Variants in GYS2 observed in about 807,000 individuals in gnomAD.
GYS2 encodes glycogen [starch] synthase, liver.
A neutral mutation model predicts 85.6 loss-of-function variants in GYS2; 80 were observed. The observed-to-expected ratio is 0.93, with a 90% CI of 0.78 to 1.13. The LOEUF is 1.13. GYS2 is among the 50% of genes most tolerant of loss of function. The probability of loss-of-function intolerance (pLI) is 0.00; values close to 1 mark genes in which losing one functional copy is unlikely to be tolerated. For synonymous variants in GYS2, 328 were observed against 300.7 expected, an observed-to-expected ratio of 1.09 and a Z score of -0.94; for missense variants, 881 against 854.9, an observed-to-expected ratio of 1.03 and a Z score of -0.38.
At chr12:21,553,038 A>G (rs773734445) in intron 11 of GYS2, among the ~76,000 whole-genome samples, 11 of 152,220 alleles carry the variant, frequency 7.2e-5, no homozygotes, top group Non-Finnish European at 1.5e-4. Context: ...CCAAGCTGTT[A>G]AATGCAGCAC....
intron 1 of GYS2, among the ~76,000 whole-genome samples, chr12:21,589,604 A>C (rs1380990077): frequency 6.6e-6 from 1 of 152,148 alleles, no homozygotes; most frequent in Non-Finnish European, 1.5e-5. Context: ...GGAAGCAAGG[A>C]AGCCTACCCA....
chr12:21,585,082 T>A (rs190727591), intron 1 of GYS2, among the ~76,000 whole-genome samples: 7 of 152,006 alleles, frequency 4.6e-5, no homozygotes, highest in Admixed American at 1.3e-4. Flanking sequence ...GTTTCTCCCA[T>A]AGACAGGATT....
intron 11 of GYS2, among the ~76,000 whole-genome samples, chr12:21,552,225 A>G (rs1944120580): frequency 6.6e-6 from 1 of 152,244 alleles, no homozygotes; most frequent in Non-Finnish European, 1.5e-5. Context: ...TATTTATTCC[A>G]GGACAGAAGT....
At position 21,542,605 on chromosome 12, in the gene GYS2, T is replaced by A; in HGVS notation, c.1550-14A>T. ...CAGTGCATTCAGCTGCCAGGGGAAA[T>A]AGACCAAAGCTTGGCTTCAGACCAG... On this transcript the variant is annotated splice_polypyrimidine_tract_variant and intron_variant, in intron 12 of 15. Coordinates refer to ENST00000261195, the MANE Select transcript of GYS2 (RefSeq NM_021957.4). 6.3e-7 allele frequency: 1 copy of A among 1,580,790 alleles called. No individual in the cohort carries two copies. Among genetic ancestry groups the A allele is most frequent in the Non-Finnish European group, 8.7e-7 (1 of 1,149,664 alleles).
At chr12:21,541,456 T>C (rs1195405871) in intron 13 of GYS2, among the ~76,000 whole-genome samples, 1 of 151,870 alleles carries the variant, frequency 6.6e-6, no homozygotes, top group Non-Finnish European at 1.5e-5. Flanking sequence ...TTTAAAATAA[T>C]AACAGTAATG....
chr12:21,603,026 C>T (rs375120754), intron 1 of GYS2, among the ~76,000 whole-genome samples: 2 of 152,004 alleles, frequency 1.3e-5, no homozygotes, highest in African/African-American at 4.8e-5. Context: ...AGGCATACTC[C>T]GGGATTCACA....
chr12:21,549,217 C>T (rs112163942), intron 11 of GYS2, among the ~76,000 whole-genome samples: 3 of 152,140 alleles, frequency 2.0e-5, no homozygotes, highest in African/African-American at 7.2e-5. Context: ...ACAGTTATCA[C>T]TGAGCTATTA....
chr12:21,576,034 T>C lies in GYS2; in HGVS notation c.327A>G (p.Ile109Met). The C allele has an allele frequency of 6.2e-7, 1 of 1,613,344 alleles. No homozygotes were observed. The change falls in exon 3 of 16, where the codon ATA becomes ATG. Residue 109 changes from isoleucine (I) to methionine (M), a missense_variant. Physicochemically the swap from Ile to Met is conservative, Grantham distance 10. Transcript: ENST00000261195. The stretch of plus-strand genomic sequence containing the variant: ...AAAGTACCACATAAGGACTTCCTTC[T>C]ATCAGCCATCTTCCAAAATGCACCT... ...GCQVHFGRWL[I>M]EGSPYVVLFD...
At chr12:21,564,803 A>G (rs1400187509) in intron 5 of GYS2, among the ~76,000 whole-genome samples, 2 of 152,158 alleles carry the variant, frequency 1.3e-5, no homozygotes, top group Non-Finnish European at 2.9e-5. Flanking sequence ...AAAAATCCCT[A>G]TGAGGTAAAT....
At chr12:21,590,848 T>C (rs1396473366) in intron 1 of GYS2, among the ~76,000 whole-genome samples, 1 of 151,894 alleles carries the variant, frequency 6.6e-6, no homozygotes, top group Non-Finnish European at 1.5e-5. Flanking sequence ...CCTAAGCCAC[T>C]GAAAAAATCA....
chr12:21,534,092 C>T (rs531396221), downstream of GYS2, among the ~76,000 whole-genome samples: 28 of 152,250 alleles, frequency 1.8e-4, no homozygotes, highest in East Asian at 2.9e-3. Context: ...TCAATACAGA[C>T]GGGCCCAACT....
At chr12:21,585,142 T>C (rs1253783920) in intron 1 of GYS2, among the ~76,000 whole-genome samples, 1 of 152,120 alleles carries the variant, frequency 6.6e-6, no homozygotes, top group Non-Finnish European at 1.5e-5. Context: ...GTGGCACCAC[T>C]CACCATCACC....
chr12:21,545,561 G>A (rs1299298910), intron 12 of GYS2, among the ~76,000 whole-genome samples: 2 of 152,214 alleles, frequency 1.3e-5, no homozygotes, highest in Admixed American at 6.5e-5. Flanking sequence ...TGTATTTAAA[G>A]TATTTGTTTC....
chr12:21,604,536 T>C lies in GYS2; in HGVS notation c.57A>G (p.Glu19=). Residue 19 remains glutamate (E), a synonymous_variant, in exon 1 of 16, where the codon GAA becomes GAG. Coordinates refer to ENST00000261195, the MANE Select transcript of GYS2 (RefSeq NM_021957.4). ...VTSLGGLPQW[E]VEELPVEELL... The stretch of plus-strand genomic sequence containing the variant: ...ACTCCTCCACAGGAAGTTCTTCGAC[T>C]TCCCACTGGGGAAGCCCACCCAGGG... The C allele has an allele frequency of 6.2e-7, 1 of 1,612,822 alleles. No homozygotes were observed. The highest frequency in any genetic ancestry group is 8.5e-7 in the Non-Finnish European group (1 of 1,179,034).
chr12:21,602,080 A>G (rs1328342867), intron 1 of GYS2, among the ~76,000 whole-genome samples: 1 of 152,084 alleles, frequency 6.6e-6, no homozygotes, highest in Non-Finnish European at 1.5e-5. Flanking sequence ...GTTTGCCAGA[A>G]AACATGGTAA....
intron 1 of GYS2, among the ~76,000 whole-genome samples, chr12:21,594,340 T>A (rs1219143315): frequency 1.3e-5 from 2 of 152,134 alleles, no homozygotes; most frequent in Non-Finnish European, 2.9e-5. Flanking sequence ...GACATGATTT[T>A]ATACCTAGAA....
intron 1 of GYS2, among the ~76,000 whole-genome samples, chr12:21,601,709 G>A (rs1166242191): frequency 6.6e-6 from 1 of 151,962 alleles, no homozygotes; most frequent in East Asian, 1.9e-4. Context: ...CATCACATTT[G>A]ACTGTATTGT....
intron 11 of GYS2, among the ~76,000 whole-genome samples, chr12:21,547,098 T>C (rs1363790879): frequency 6.6e-6 from 1 of 152,232 alleles, no homozygotes; most frequent in African/African-American, 2.4e-5. Flanking sequence ...TTTAAAAATG[T>C]CAGTCATTCC....
chr12:21,577,853 C>T (rs1565606592), intron 2 of GYS2, among the ~76,000 whole-genome samples: 1 of 152,102 alleles, frequency 6.6e-6, no homozygotes, highest in Non-Finnish European at 1.5e-5. Context: ...ATATAAAACA[C>T]CTTTGAAATG....
Sources: allele counts gnomAD v4.1 joint callset (sites outside exome capture counted in the v4.1 genomes callset), GRCh38; gene constraint gnomAD v4.1.1; transcripts MANE v1.5; gene names NCBI Gene and HGNC (gene_info 2026-07-23, HGNC 2026-07-21).